Variants in GALNT1 observed in about 807,000 individuals in gnomAD.
GALNT1 encodes the protein polypeptide N-acetylgalactosaminyltransferase 1, also known as GalNAc transferase 1.
In GALNT1, 17 loss-of-function variants were observed where a neutral mutation model predicts 65.7. The ratio of observed to expected loss-of-function variants is 0.26; its 90% CI spans 0.18 to 0.39. GALNT1 has a LOEUF of 0.39. GALNT1 is among the 10% of genes least tolerant of loss of function. The pLI is 1.00. For synonymous variants in GALNT1, 210 were observed against 219.7 expected (o/e 0.96, Z 0.39); for missense variants, 460 against 672.8 (o/e 0.68, Z 3.50).
At chr18:35,679,461 A>G (rs1325014134) in intron 4 of GALNT1, among the ~76,000 whole-genome samples, 2 of 152,182 alleles carry the variant, frequency 1.3e-5, no homozygotes, top group Non-Finnish European at 2.9e-5. Context: ...AAACTCACCT[A>G]TAGCAGTTCT....
rs1418333296 is a variant in GALNT1, at chr18:35,654,808, G to T, written c.139+7G>T. 1.9e-6 allele frequency: 3 copies of T among 1,545,790 alleles called. No homozygotes were observed. The South Asian group carries it at 3.7e-5, about 19-fold the overall frequency. On this transcript the variant is annotated splice_region_variant and intron_variant, in intron 2 of 11. Coordinates refer to ENST00000269195, the MANE Select transcript of GALNT1 (RefSeq NM_020474.4). ...GGACTTCCTGCTGGAGATGGTGAGT[G>T]ACATTTTATAATAGAGCTGTTTTAA...
chr18:35,659,101 T>C (rs556959999), intron 2 of GALNT1, among the ~76,000 whole-genome samples: 9 of 152,184 alleles, frequency 5.9e-5, no homozygotes, highest in Non-Finnish European at 1.2e-4. Context: ...CATTGAGCAG[T>C]ATTACACTCC....
chr18:35,702,772 CA>C (rs1192499425), intron 9 of GALNT1, 124 bp from the exon 10 acceptor site: 1 of 534,350 alleles, frequency 1.9e-6, no homozygotes, highest in African/African-American at 1.9e-5. Context: ...AGCGATAGGC[CA>C]ATAGGCCATT....
At chr18:35,609,656 A>T (rs1044601823) in intron 1 of GALNT1, among the ~76,000 whole-genome samples, 1 of 152,178 alleles carries the variant, frequency 6.6e-6, no homozygotes, top group Non-Finnish European at 1.5e-5. Context: ...CCTATAAGAT[A>T]ATTATTTTTT....
At chr18:35,661,604 C>G (rs2047478440) in intron 2 of GALNT1, among the ~76,000 whole-genome samples, 1 of 151,592 alleles carries the variant, frequency 6.6e-6, no homozygotes, top group African/African-American at 2.4e-5. Flanking sequence ...ACCTCTTTCT[C>G]TTTGTCTCCC....
At chr18:35,670,954 A>AAGGTG (rs2047626050) in intron 3 of GALNT1, among the ~76,000 whole-genome samples, 1 of 152,228 alleles carries the variant, frequency 6.6e-6, no homozygotes, top group Admixed American at 6.5e-5. Flanking sequence ...ACCTCACATC[A>AAGGTG]TACAGAAAAA....
chr18:35,696,467 C>T (rs139058637), intron 9 of GALNT1, among the ~76,000 whole-genome samples: 104 of 152,242 alleles, frequency 6.8e-4, no homozygotes, highest in African/African-American at 2.1e-3. Context: ...AGGACCTGAA[C>T]AAATGTGTTT....
At chr18:35,633,714 A>T (rs1200211978) in intron 1 of GALNT1, among the ~76,000 whole-genome samples, 2 of 152,092 alleles carry the variant, frequency 1.3e-5, no homozygotes, top group Admixed American at 6.6e-5. Context: ...AATTATGTTG[A>T]TTGGACTTTA....
At chr18:35,627,825 G>A (rs1039825132) in intron 1 of GALNT1, among the ~76,000 whole-genome samples, 1 of 152,160 alleles carries the variant, frequency 6.6e-6, no homozygotes, top group Non-Finnish European at 1.5e-5. Flanking sequence ...CTAGCCAAGG[G>A]AAGGAGGGAC....
At chr18:35,675,606 G>A (rs1247927112) in intron 3 of GALNT1, among the ~76,000 whole-genome samples, 1 of 152,070 alleles carries the variant, frequency 6.6e-6, no homozygotes, top group African/African-American at 2.4e-5. Context: ...ACATTTTTCT[G>A]TCTTCCTTTC....
rs1368008733 is a variant in GALNT1, at chr18:35,709,991, A to C, written c.*221A>C. 11 of 485,688 alleles carry C rather than the reference A, an allele frequency of 2.3e-5. No individual in the cohort carries two copies. The East Asian group carries it at 3.5e-4, about 15-fold the overall frequency. The allele number at this position is 485,688 out of a possible 1,614,324, so 30.1% of individuals were successfully genotyped here. A position where few individuals can be genotyped will look rare whatever the true frequency, so the allele number is the denominator to read the frequency against. The stretch of plus-strand genomic sequence containing the variant: ...AAACTGCATAGTAATGAGACTGTGC[A>C]CACTGATGTTTACAAGATTGAAAGA... On this transcript the variant is annotated 3_prime_UTR_variant, in exon 12 of 12. Transcript: ENST00000269195.
At chr18:35,637,465 A>G (rs763780859) in intron 1 of GALNT1, among the ~76,000 whole-genome samples, 2 of 152,156 alleles carry the variant, frequency 1.3e-5, no homozygotes, top group African/African-American at 2.4e-5. Context: ...ACCAACCACA[A>G]CGTTCCCTTA....
chr18:35,649,023 A>G (rs374062638), intron 1 of GALNT1, among the ~76,000 whole-genome samples: 1 of 152,176 alleles, frequency 6.6e-6, no homozygotes, highest in African/African-American at 2.4e-5. Context: ...CCAGATATTG[A>G]TGATTATAAG....
chr18:35,608,062 A>G (rs561614401), intron 1 of GALNT1, among the ~76,000 whole-genome samples: 3 of 152,120 alleles, frequency 2.0e-5, no homozygotes, highest in Admixed American at 6.6e-5. Flanking sequence ...AGCAGTTTTT[A>G]TATTTTAACA....
At chr18:35,646,934 C>A (rs2047239299) in intron 1 of GALNT1, among the ~76,000 whole-genome samples, 1 of 152,142 alleles carries the variant, frequency 6.6e-6, no homozygotes, top group Non-Finnish European at 1.5e-5. Flanking sequence ...TCTTCTCCTC[C>A]CCTCCAAAAA....
chr18:35,597,562 CTCCTTT>C (rs2046520981), intron 1 of GALNT1: 1 of 152,352 alleles, frequency 6.6e-6, no homozygotes, highest in Non-Finnish European at 1.5e-5. Context: ...TTACATGCTG[CTCCTTT>C]AATTATCTCA....
At chr18:35,686,062 C>T (rs1410530314) in intron 5 of GALNT1, among the ~76,000 whole-genome samples, 1 of 152,080 alleles carries the variant, frequency 6.6e-6, no homozygotes, top group African/African-American at 2.4e-5. Flanking sequence ...GAGTGAGACT[C>T]CATCTCCAAA....
chr18:35,645,295 A>C (rs796396513), intron 1 of GALNT1, among the ~76,000 whole-genome samples: 2 of 136,952 alleles, frequency 1.5e-5, no homozygotes, highest in African/African-American at 5.7e-5. Context: ...CAGTGGCGCA[A>C]TCTCAGCTCA....
chr18:35,698,410 A>C (rs945027512), intron 9 of GALNT1, among the ~76,000 whole-genome samples: 5 of 152,192 alleles, frequency 3.3e-5, no homozygotes, highest in African/African-American at 1.2e-4. Context: ...TAGAGGTTGC[A>C]GTGAGCCAAG....
Sources: allele counts gnomAD v4.1 joint callset (sites outside exome capture counted in the v4.1 genomes callset), GRCh38; gene constraint gnomAD v4.1.1; transcripts MANE v1.5; gene names NCBI Gene and HGNC (gene_info 2026-07-23, HGNC 2026-07-21).